Variants in ITGA8 observed in about 807,000 individuals in gnomAD.
ITGA8 encodes integrin alpha-8.
In ITGA8, 91 loss-of-function variants were observed where a neutral mutation model predicts 142.3. The ratio of observed to expected loss-of-function variants is 0.64; its 90% CI spans 0.54 to 0.76. The LOEUF is 0.76. ITGA8 is among the 30% of genes least tolerant of loss of function. The probability of loss-of-function intolerance (pLI) is 0.00; values close to 1 mark genes in which losing one functional copy is unlikely to be tolerated. For missense variants in ITGA8, 1,406 were observed against 1,327.7 expected (o/e 1.06, Z -0.92); for synonymous variants, 505 against 485.2 (o/e 1.04, Z -0.54).
chr10:15,642,015 C>T (rs1477134938), intron 13 of ITGA8, among the ~76,000 whole-genome samples: 1 of 152,080 alleles, frequency 6.6e-6, no homozygotes, highest in Admixed American at 6.5e-5. Context: ...GTAGTCCCAG[C>T]TACTTGGGAG....
chr10:15,528,099 G>T (rs1440748829), intron 28 of ITGA8, among the ~76,000 whole-genome samples: 1 of 151,600 alleles, frequency 6.6e-6, no homozygotes, highest in African/African-American at 2.4e-5. Context: ...GCTTTTTGTT[G>T]TTGTTGTTTG....
intron 13 of ITGA8, among the ~76,000 whole-genome samples, chr10:15,622,301 C>T (rs763884548): frequency 2.0e-5 from 3 of 152,180 alleles, no homozygotes; most frequent in Admixed American, 1.3e-4. Context: ...TCACTCTCAT[C>T]TCCTTGACAG....
At chr10:15,694,153 C>A (rs1361952879) in intron 2 of ITGA8, among the ~76,000 whole-genome samples, 1 of 140,656 alleles carries the variant, frequency 7.1e-6, no homozygotes, top group African/African-American at 2.7e-5. Flanking sequence ...TATCATATAT[C>A]AGATAATATA....
rs557275526 is a variant in ITGA8 at position 15,553,116 on chromosome 10, G to T, written c.2767-4548C>A. On this transcript the variant is annotated intron_variant, in intron 26 of 29. Transcript: ENST00000378076. ...TTCCAAAAACACAAAAATTAGCCGGGCATGGTGGTGGGCACCTGTAGTTCC... is the reference window on the plus strand; with the variant it reads ...TTCCAAAAACACAAAAATTAGCCGGTCATGGTGGTGGGCACCTGTAGTTCC... Among the ~76,000 whole-genome samples the T allele has an allele frequency of 3.4e-4, 52 of 152,224 alleles. 1 individual carries two copies. In the South Asian group the frequency reaches 0.011, roughly 32 times the overall value.
intron 2 of ITGA8, among the ~76,000 whole-genome samples, chr10:15,708,743 G>A (rs569589203): frequency 2.0e-5 from 3 of 152,280 alleles, no homozygotes; most frequent in East Asian, 1.9e-4. Context: ...TCCTAGGCAT[G>A]GTTTGGCCTA....
intron 26 of ITGA8, among the ~76,000 whole-genome samples, chr10:15,557,598 C>A (rs987035422): frequency 6.6e-6 from 1 of 152,102 alleles, no homozygotes; most frequent in Non-Finnish European, 1.5e-5. Context: ...AGGGATCCTC[C>A]CACCTTGGCC....
intron 13 of ITGA8, among the ~76,000 whole-genome samples, chr10:15,635,540 T>C (rs1382842592): frequency 1.3e-5 from 2 of 152,118 alleles, no homozygotes; most frequent in Non-Finnish European, 2.9e-5. Context: ...CTCAGGCCTT[T>C]TCACTTTCCA....
chr10:15,627,066 C>A (rs1336186288), intron 13 of ITGA8, among the ~76,000 whole-genome samples: 1 of 152,156 alleles, frequency 6.6e-6, no homozygotes, highest in East Asian at 1.9e-4. Context: ...CCCACCCTAA[C>A]TGCCCAGGAT....
At chr10:15,544,026 G>A (rs1454739148) in intron 27 of ITGA8, among the ~76,000 whole-genome samples, 1 of 152,204 alleles carries the variant, frequency 6.6e-6, no homozygotes, top group African/African-American at 2.4e-5. Context: ...CAGGCCTGGT[G>A]GTTCATGCGG....
chr10:15,713,142 G>A lies in ITGA8; in HGVS notation c.343+5624C>T, dbSNP rs138411510. 1.5e-3 allele frequency among the ~76,000 whole-genome samples: 230 copies of A among 152,304 alleles called. 1 individual carries two copies. The highest frequency in any genetic ancestry group is 5.4e-3 in the African/African-American group (224 of 41,558). On this transcript the variant is annotated intron_variant, in intron 2 of 29. Transcript: ENST00000378076. The stretch of plus-strand genomic sequence containing the variant: ...GTTCAGTTGTGTTCTGTTGCATGAA[G>A]TCTGAACAAACAGAGAGAAATTTAG...
At chr10:15,641,479 A>C (rs533512207) in intron 13 of ITGA8, among the ~76,000 whole-genome samples, 1 of 152,180 alleles carries the variant, frequency 6.6e-6, no homozygotes, top group Non-Finnish European at 1.5e-5. Flanking sequence ...CTTGCTATGA[A>C]GTTAAAAAGG....
At chr10:15,592,420 TTCTACCCCAGG>T in intron 21 of ITGA8, 116 bp from the exon 22 acceptor site, 2 of 748,848 alleles carry the variant, frequency 2.7e-6, no homozygotes, top group Non-Finnish European at 4.3e-6. Context: ...TTTGTTCTGC[TTCTACCCCAGG>T]TGGCTGAGAG....
chr10:15,545,077 G>T (rs1167757366), intron 27 of ITGA8, among the ~76,000 whole-genome samples: 1 of 152,204 alleles, frequency 6.6e-6, no homozygotes, highest in Non-Finnish European at 1.5e-5. Flanking sequence ...CTGACTCAGA[G>T]TGACAGGATG....
At chr10:15,584,794 T>C (rs1317788578) in intron 23 of ITGA8, among the ~76,000 whole-genome samples, 1 of 152,122 alleles carries the variant, frequency 6.6e-6, no homozygotes, top group Non-Finnish European at 1.5e-5. Context: ...GGCTAAGGCC[T>C]GTAATAATCC....
At position 15,514,251 on chromosome 10, in the gene ITGA8, C is replaced by A. The variant is rs139042512; in HGVS notation, c.*2907G>T. The A allele has an allele frequency of 7.1e-6, 1 of 140,178 alleles. No homozygotes were observed. Among genetic ancestry groups the A allele is most frequent in the South Asian group, 2.5e-4 (1 of 3,946 alleles). 8.7% of individuals were successfully genotyped at this position (140,178 alleles called of 1,614,324 possible). On this transcript the variant is annotated 3_prime_UTR_variant, in exon 30 of 30. Transcript: ENST00000378076. ...GCACATTATGAATTATGAAGGCAAT[C>A]GGCAATGCTCTAACTAGAAGCAGAT...
chr10:15,640,780 G>A (rs1833856750), intron 13 of ITGA8, among the ~76,000 whole-genome samples: 1 of 152,184 alleles, frequency 6.6e-6, no homozygotes, highest in Non-Finnish European at 1.5e-5. Flanking sequence ...TGGCTCAGAA[G>A]CATTTGCTAA....
chr10:15,665,556 A>C (rs1366863962), intron 8 of ITGA8, among the ~76,000 whole-genome samples: 1 of 111,142 alleles, frequency 9.0e-6, no homozygotes, highest in African/African-American at 2.8e-5. Context: ...TTTTGTTGCC[A>C]TTGCTTTTTG....
intron 13 of ITGA8, 79 bp downstream of exon 13, chr10:15,643,951 T>A: frequency 1.5e-6 from 2 of 1,335,354 alleles, no homozygotes; most frequent in Non-Finnish European, 2.1e-6. Flanking sequence ...GAAAACTGCC[T>A]TTGCATGATG....
chr10:15,661,863 C>T (rs1049961433), intron 8 of ITGA8, among the ~76,000 whole-genome samples: 2 of 152,114 alleles, frequency 1.3e-5, no homozygotes, highest in East Asian at 1.9e-4. Flanking sequence ...GGAAAGTTGA[C>T]GGAACTGGTA....
Sources: allele counts gnomAD v4.1 joint callset (sites outside exome capture counted in the v4.1 genomes callset), GRCh38; gene constraint gnomAD v4.1.1; transcripts MANE v1.5; gene names NCBI Gene and HGNC (gene_info 2026-07-23, HGNC 2026-07-21).